Variants in NAV3 observed in about 807,000 individuals in gnomAD.
The protein encoded by NAV3 is pore membrane and/or filament interacting like protein 1.
In NAV3, 87 loss-of-function variants were observed where a neutral mutation model predicts 244.7. The observed-to-expected ratio is 0.36, with a 90% confidence interval of 0.30 to 0.42. The LOEUF (loss-of-function observed/expected upper bound fraction) is 0.42. Among genes scored for constraint, NAV3 ranks in the 20% least tolerant of loss-of-function variants. The pLI is 1.00. For synonymous variants in NAV3, 1,126 were observed against 1,042.2 expected, an observed-to-expected ratio of 1.08 and a Z score of -1.55; for missense variants, 2,663 against 2,893.3, an observed-to-expected ratio of 0.92 and a Z score of 1.83.
chr12:77,765,287 G>C (rs909459661), intron 2 of NAV3, among the ~76,000 whole-genome samples: 1 of 152,134 alleles, frequency 6.6e-6, no homozygotes, highest in Non-Finnish European at 1.5e-5. Context: ...ACTGTCTGCT[G>C]TTTGCTCCAT....
intron 36 of NAV3, 50 bp from the exon 37 acceptor site, chr12:78,199,285 A>C: frequency 8.0e-7 from 1 of 1,248,434 alleles, no homozygotes; most frequent in Non-Finnish European, 1.1e-6. Context: ...ATCACTGTGA[A>C]TGTAAAATTT....
intron 9 of NAV3, among the ~76,000 whole-genome samples, chr12:78,043,464 A>T (rs191026616): frequency 1.3e-5 from 2 of 152,184 alleles, no homozygotes; most frequent in African/African-American, 4.8e-5. Flanking sequence ...GGATTGCTGG[A>T]TCAAATGGTA....
intron 12 of NAV3, among the ~76,000 whole-genome samples, chr12:78,090,031 T>C (rs1222079170): frequency 6.6e-6 from 1 of 152,028 alleles, no homozygotes; most frequent in Non-Finnish European, 1.5e-5. Flanking sequence ...TTAATTTACC[T>C]CTATTGCCTT....
In NAV3 at chr12:77,831,582, C is replaced by T. The variant is rs1873700657; in HGVS notation, c.121C>T (p.Pro41Ser). ...TTGSQHCSSR[P>S]LELTETESSM... ...TGGGTCACAGCACTGTTCTTCAAGA[C>T]CTTTGGAACTTACTGAAACAGAGAG... Residue 41 changes from proline (P) to serine (S), a missense_variant, in exon 1 of 40, where the codon CCT (proline) becomes TCT (serine). By Grantham distance (74) the Pro-to-Ser change is moderately conservative. Transcript: ENST00000397909. The T allele has an allele frequency of 2.5e-6, 4 of 1,614,070 alleles. No homozygotes were observed. Among genetic ancestry groups the T allele is most frequent in the African/African-American group, 2.7e-5 (2 of 75,032 alleles).
Position 77,961,598 on chromosome 12 carries a change from T to C in NAV3, c.415-4631T>C, listed in dbSNP as rs904982525. ...TTATATATTATGTATCTGTAATATATATATTTGAATATATATTACTATATA... is the reference window on the plus strand; with the variant it reads ...TTATATATTATGTATCTGTAATATACATATTTGAATATATATTACTATATA... On this transcript the variant is annotated intron_variant, in intron 3 of 39. Coordinates refer to ENST00000397909, the MANE Select transcript of NAV3 (RefSeq NM_001024383.2). Among the ~76,000 whole-genome samples the C allele has an allele frequency of 4.3e-5, 6 of 139,372 alleles. No individual in the cohort carries two copies. In the Admixed American group the frequency reaches 4.4e-4, roughly 10 times the overall value. 91.4% of individuals were successfully genotyped at this position (139,372 alleles called of 152,430 possible).
chr12:78,156,743 T>C (rs1957319597), intron 22 of NAV3, among the ~76,000 whole-genome samples: 1 of 152,154 alleles, frequency 6.6e-6, no homozygotes, highest in South Asian at 2.1e-4. Context: ...CACACAATTT[T>C]AGTTTTAGGT....
At chr12:77,635,058 G>T (rs1175782068) in intron 2 of NAV3, among the ~76,000 whole-genome samples, 1 of 152,042 alleles carries the variant, frequency 6.6e-6, no homozygotes, top group African/African-American at 2.4e-5. Flanking sequence ...GTGAAACCCT[G>T]TCTCTACTAA....
At position 77,946,258 on chromosome 12, in the gene NAV3, T is replaced by C. The variant is rs564232389; in HGVS notation, c.414+5125T>C. Among the ~76,000 whole-genome samples the C allele has an allele frequency of 8.8e-3, 1,293 of 146,600 alleles. 17 individuals are homozygous for C. Among genetic ancestry groups the C allele is most frequent in the African/African-American group, 0.027 (1,050 of 39,210 alleles). ...GTGCGTATGTGTGTGTGTGTGTGTGTGCGCGTGCACCTTATAAAGAAAATT... is the reference window on the plus strand; with the variant it reads ...GTGCGTATGTGTGTGTGTGTGTGTGCGCGCGTGCACCTTATAAAGAAAATT... On this transcript the variant is annotated intron_variant, in intron 3 of 39. Transcript: ENST00000397909.
intron 2 of NAV3, among the ~76,000 whole-genome samples, chr12:77,762,652 G>C (rs1375518592): frequency 6.6e-6 from 1 of 151,934 alleles, no homozygotes; most frequent in East Asian, 1.9e-4. Flanking sequence ...TTCAAACAGG[G>C]ATCGTTGTTA....
Position 78,122,105 on chromosome 12 carries a change from C to A in NAV3, c.3915C>A (p.Ser1305Arg), listed in dbSNP as rs558717521. The A allele has an allele frequency of 6.2e-7, 1 of 1,614,118 alleles. No individual in the cohort carries two copies. ...GCATGGGCAGTGCTGGTGGGCTAAG[C>A]GGCAGCAGCAGCCCTCTCTTCAATA... Reference protein sequence around the residue: ...TGSMGSAGGLSGSSSPLFNKP... With the variant: ...TGSMGSAGGLRGSSSPLFNKP... The change falls in exon 16 of 40, where the codon AGC (serine) becomes AGA (arginine). Residue 1305 changes from serine to arginine, a missense_variant. Ser to Arg is a moderately radical substitution (Grantham distance 110). This residue lies in a region of NAV3 where 354 missense variants were observed against 413.0 expected (regional missense o/e 0.86). Coordinates refer to ENST00000397909, the MANE Select transcript of NAV3 (RefSeq NM_001024383.2).
At chr12:77,627,869 A>G (rs1030986437) in intron 2 of NAV3, among the ~76,000 whole-genome samples, 7 of 152,202 alleles carry the variant, frequency 4.6e-5, no homozygotes, top group Non-Finnish European at 8.8e-5. Context: ...TTGCAGCAAC[A>G]TGGTGGAAAT....
intron 1 of NAV3, among the ~76,000 whole-genome samples, chr12:77,843,739 T>C (rs778118964): frequency 6.6e-6 from 1 of 151,770 alleles, no homozygotes; most frequent in African/African-American, 2.4e-5. Context: ...ATTGTGACGA[T>C]CAAAAATATA....
At chr12:77,906,995 C>T (rs1565909680) in intron 1 of NAV3, among the ~76,000 whole-genome samples, 1 of 152,088 alleles carries the variant, frequency 6.6e-6, no homozygotes, top group Non-Finnish European at 1.5e-5. Context: ...GCTTCAGTGC[C>T]CTTCAAGCAG....
chr12:77,787,336 T>C (rs1870949950), intron 2 of NAV3, among the ~76,000 whole-genome samples: 1 of 152,116 alleles, frequency 6.6e-6, no homozygotes, highest in African/African-American at 2.4e-5. Context: ...TATTTAGAAA[T>C]TGTGGGGTGT....
intron 2 of NAV3, among the ~76,000 whole-genome samples, chr12:77,656,785 G>T (rs1260629223): frequency 1.3e-5 from 2 of 151,612 alleles, no homozygotes; most frequent in Non-Finnish European, 2.9e-5. Flanking sequence ...GATCAAACTA[G>T]AACTCAGGAT....
At chr12:77,678,825 G>A (rs993111546) in intron 2 of NAV3, among the ~76,000 whole-genome samples, 5 of 145,436 alleles carry the variant, frequency 3.4e-5, no homozygotes, top group Admixed American at 6.7e-5. Flanking sequence ...ATCCCAGAGC[G>A]ATCAGAAGGA....
At chr12:77,958,361 T>G (rs1891565092) in intron 3 of NAV3, among the ~76,000 whole-genome samples, 1 of 152,152 alleles carries the variant, frequency 6.6e-6, no homozygotes, top group African/African-American at 2.4e-5. Context: ...AAAATAAGTT[T>G]AATAAATGTG....
intron 13 of NAV3, among the ~76,000 whole-genome samples, chr12:78,117,601 A>G (rs1955477848): frequency 6.6e-6 from 1 of 150,830 alleles, no homozygotes; most frequent in South Asian, 2.1e-4. Context: ...TCTCCTTACA[A>G]TATCGATATG....
chr12:77,595,535 C>G (rs1294994167), intron 2 of NAV3, among the ~76,000 whole-genome samples: 1 of 152,020 alleles, frequency 6.6e-6, no homozygotes, highest in Non-Finnish European at 1.5e-5. Context: ...TTCAGTTCTT[C>G]TCATCACACA....
Sources: allele counts gnomAD v4.1 joint callset (sites outside exome capture counted in the v4.1 genomes callset), GRCh38; gene constraint gnomAD v4.1.1; regional missense constraint gnomAD v4.1.1; transcripts MANE v1.5; gene names NCBI Gene and HGNC (gene_info 2026-07-23, HGNC 2026-07-21).